The following PIP4K2A variants were observed in gnomAD, a reference collection of about 807,000 sequenced individuals.
PIP4K2A encodes phosphatidylinositol 5-phosphate 4-kinase type-2 alpha.
In PIP4K2A, 14 loss-of-function variants were observed where a neutral mutation model predicts 42.9. That is an observed-to-expected ratio of 0.33 (90% confidence interval 0.22 to 0.51). The LOEUF is 0.51. PIP4K2A is among the 20% of genes least tolerant of loss of function. The probability of loss-of-function intolerance (pLI) is 0.97; values close to 1 mark genes in which losing one functional copy is unlikely to be tolerated. For synonymous variants in PIP4K2A, 192 were observed against 192.2 expected (o/e 1.00, Z 0.01); for missense variants, 434 against 519.8 (o/e 0.83, Z 1.61).
intron 1 of PIP4K2A, among the ~76,000 whole-genome samples, chr10:22,621,739 G>A (rs1346582441): frequency 6.6e-6 from 1 of 152,226 alleles, no homozygotes; most frequent in African/African-American, 2.4e-5. Context: ...AAACCTGTAA[G>A]ACAATGGAGA....
At chr10:22,587,138 T>A (rs1328525454) in intron 4 of PIP4K2A, among the ~76,000 whole-genome samples, 1 of 152,160 alleles carries the variant, frequency 6.6e-6, no homozygotes, top group East Asian at 1.9e-4. Context: ...TAACTAGCCA[T>A]GTTCTACTTC....
chr10:22,684,788 T>C (rs773033612), intron 1 of PIP4K2A, among the ~76,000 whole-genome samples: 3 of 152,182 alleles, frequency 2.0e-5, no homozygotes, highest in Non-Finnish European at 4.4e-5. Context: ...GCACAGCCCA[T>C]GACTGTTGCT....
intron 1 of PIP4K2A, among the ~76,000 whole-genome samples, chr10:22,658,070 T>A (rs1465641363): frequency 6.6e-6 from 1 of 152,198 alleles, no homozygotes; most frequent in African/African-American, 2.4e-5. Context: ...CAATCAGCTA[T>A]GAATAAAATG....
chr10:22,672,869 T>A (rs969975461), intron 1 of PIP4K2A, among the ~76,000 whole-genome samples: 4 of 152,182 alleles, frequency 2.6e-5, no homozygotes, highest in Non-Finnish European at 5.9e-5. Context: ...CAGGTTAACA[T>A]GTCATTCTCC....
chr10:22,656,898 T>G (rs947942869), intron 1 of PIP4K2A, among the ~76,000 whole-genome samples: 3 of 152,190 alleles, frequency 2.0e-5, no homozygotes, highest in Non-Finnish European at 4.4e-5. Context: ...ATACTTGAAG[T>G]TCTCTTTCTG....
intron 3 of PIP4K2A, among the ~76,000 whole-genome samples, chr10:22,598,619 A>G (rs1383887985): frequency 6.6e-6 from 1 of 152,216 alleles, no homozygotes; most frequent in Non-Finnish European, 1.5e-5. Context: ...CCCAGGAAGC[A>G]GCCTCAGAGT....
intron 1 of PIP4K2A, among the ~76,000 whole-genome samples, chr10:22,665,605 CT>C (rs34262297): frequency 0.33 from 37,282 of 114,534 alleles, 5,995 homozygotes; most frequent in Non-Finnish European, 0.37. Context: ...CCACACCTGG[CT>C]TTTTTTTTTT....
At chr10:22,585,609 A>ATT (rs67526326) in intron 4 of PIP4K2A, among the ~76,000 whole-genome samples, 12 of 143,252 alleles carry the variant, frequency 8.4e-5, no homozygotes, top group African/African-American at 1.3e-4. Context: ...GTGCCTCTCA[A>ATT]TTTTTTTTTT....
At chr10:22,589,382 T>C (rs1263434110) in intron 4 of PIP4K2A, among the ~76,000 whole-genome samples, 1 of 152,232 alleles carries the variant, frequency 6.6e-6, no homozygotes, top group African/African-American at 2.4e-5. Flanking sequence ...GGTAGCATCC[T>C]GGCACTTTAA....
rs185896223 is a variant in PIP4K2A, at chr10:22,591,530, C to T, written c.492+99G>A. 1,588 of 941,262 alleles carry T rather than the reference C, an allele frequency of 1.7e-3. 1 individual carries two copies. The highest frequency in any genetic ancestry group is 2.3e-3 in the Non-Finnish European group (1,407 of 623,278). 58.3% of individuals were successfully genotyped at this position (941,262 alleles called of 1,614,324 possible). On this transcript the variant is annotated intron_variant, in intron 4 of 9. Transcript: ENST00000376573. ...AGATGTTTATGTGAAATGTGTTCTT[C>T]TTGTTCTCTAACTATATATTTAAAT...
At chr10:22,635,704 G>T (rs375096049) in intron 1 of PIP4K2A, among the ~76,000 whole-genome samples, 1 of 152,208 alleles carries the variant, frequency 6.6e-6, no homozygotes, top group Non-Finnish European at 1.5e-5. Context: ...ATGAGCCGGG[G>T]GGTTCTATGA....
At chr10:22,587,124 C>G (rs1042501057) in intron 4 of PIP4K2A, among the ~76,000 whole-genome samples, 2 of 152,060 alleles carry the variant, frequency 1.3e-5, no homozygotes, top group Non-Finnish European at 2.9e-5. Context: ...TTCAAATATT[C>G]AAATAACTAG....
intron 7 of PIP4K2A, among the ~76,000 whole-genome samples, chr10:22,543,803 A>G (rs1836189654): frequency 6.6e-6 from 1 of 152,186 alleles, no homozygotes; most frequent in African/African-American, 2.4e-5. Context: ...GAAGCCAGCC[A>G]GGGAGCTGGG....
chr10:22,706,900 G>A (rs192345552), intron 1 of PIP4K2A, among the ~76,000 whole-genome samples: 3 of 152,158 alleles, frequency 2.0e-5, no homozygotes, highest in Admixed American at 1.3e-4. Context: ...CAAGAACAAC[G>A]ATGATGTTCT....
At chr10:22,605,073 C>T (rs920569678) in intron 3 of PIP4K2A, among the ~76,000 whole-genome samples, 1 of 152,094 alleles carries the variant, frequency 6.6e-6, no homozygotes, top group Non-Finnish European at 1.5e-5. Flanking sequence ...ACTCAGGGTC[C>T]CTGACCCTAC....
At chr10:22,626,174 A>G (rs1838431532) in intron 1 of PIP4K2A, among the ~76,000 whole-genome samples, 1 of 152,178 alleles carries the variant, frequency 6.6e-6, no homozygotes, top group Admixed American at 6.5e-5. Flanking sequence ...AGATGACTGC[A>G]TGGGGTACTC....
rs571271263 is a variant in PIP4K2A at position 22,698,836 on chromosome 10, T to G, written c.144+15347A>C. 2.4e-4 allele frequency among the ~76,000 whole-genome samples: 37 copies of G among 152,344 alleles called. 1 individual carries two copies. In the South Asian group the frequency reaches 4.3e-3, roughly 18 times the overall value. ...GGTAATTTTTTATATTTGTGTGTGT[T>G]TTTCAAATTTTTCAGAAAATATGCT... On this transcript the variant is annotated intron_variant, in intron 1 of 9. Coordinates refer to ENST00000376573, the MANE Select transcript of PIP4K2A (RefSeq NM_005028.5).
chr10:22,561,071 G>A (rs191752337), intron 6 of PIP4K2A, among the ~76,000 whole-genome samples: 1 of 152,364 alleles, frequency 6.6e-6, no homozygotes, highest in East Asian at 1.9e-4. Context: ...CCACCAGGGA[G>A]GTTCACATTT....
chr10:22,655,032 G>A (rs1374012859), intron 1 of PIP4K2A, among the ~76,000 whole-genome samples: 1 of 152,006 alleles, frequency 6.6e-6, no homozygotes, highest in East Asian at 1.9e-4. Flanking sequence ...CTGGGGCCAG[G>A]AGTTTGAGAC....
Sources: gnomAD v4.1 joint callset for allele counts (sites outside exome capture counted in the v4.1 genomes callset) on GRCh38, gnomAD v4.1.1 for gene constraint, MANE v1.5 for transcripts, NCBI Gene and HGNC (gene_info 2026-07-23, HGNC 2026-07-21) for gene names.